LSAMP: variants seen among roughly 807,000 people sequenced by gnomAD.
LSAMP encodes limbic system-associated membrane protein.
In LSAMP, 7 loss-of-function variants were observed where a neutral mutation model predicts 38.6. The observed-to-expected ratio is 0.18, with a 90% CI of 0.10 to 0.34. The LOEUF (loss-of-function observed/expected upper bound fraction) is 0.34, where lower values mean the gene tolerates loss of function less well. Among genes scored for constraint, LSAMP ranks in the 10% least tolerant of loss-of-function variants. The pLI is 1.00. For missense variants in LSAMP, 313 were observed against 420.0 expected (o/e 0.75, Z 2.23); for synonymous variants, 154 against 166.8 (o/e 0.92, Z 0.59).
intron 1 of LSAMP, among the ~76,000 whole-genome samples, chr3:116,413,072 C>G (rs1354418038): frequency 6.6e-6 from 1 of 152,010 alleles, no homozygotes; most frequent in Non-Finnish European, 1.5e-5. Context: ...TTCCACCTAG[C>G]AATCCATTTT....
At chr3:116,091,811 TG>T (rs1708130210) in intron 1 of LSAMP, among the ~76,000 whole-genome samples, 1 of 152,148 alleles carries the variant, frequency 6.6e-6, no homozygotes, top group Non-Finnish European at 1.5e-5. Context: ...CTAATGACAA[TG>T]GGTGTTAGTG....
chr3:116,198,772 G>GAAAAAAAAA lies in LSAMP; in HGVS notation c.156-112225_156-112217dup, dbSNP rs71141858. ...GGCGACAGAGCAAGACTCCGTCTCA[G>GAAAAAAAAA]AAAAAAAAAGAAAATCAGAACTGGA... On this transcript the variant is annotated intron_variant, in intron 1 of 6. Coordinates refer to ENST00000490035, the MANE Select transcript of LSAMP (RefSeq NM_002338.5). 2.0e-4 allele frequency among the ~76,000 whole-genome samples: 21 copies of GAAAAAAAAA among 103,206 alleles called. 4 individuals are homozygous for GAAAAAAAAA. The highest frequency in any genetic ancestry group is 7.7e-4 in the South Asian group (2 of 2,588). 67.7% of individuals were successfully genotyped at this position (103,206 alleles called of 152,430 possible). A position where few individuals can be genotyped will look rare whatever the true frequency, so the allele number is the denominator to read the frequency against.
intron 1 of LSAMP, among the ~76,000 whole-genome samples, chr3:116,357,912 A>G (rs1198871557): frequency 6.7e-6 from 1 of 148,396 alleles, no homozygotes; most frequent in South Asian, 2.1e-4. Context: ...TAAAACACAG[A>G]ATTAAAAAAA....
intron 1 of LSAMP, among the ~76,000 whole-genome samples, chr3:116,370,657 G>C (rs2048418470): frequency 1.3e-5 from 2 of 152,176 alleles, no homozygotes; most frequent in African/African-American, 4.8e-5. Flanking sequence ...TCTATGCACT[G>C]ATCACTGACT....
At chr3:116,018,856 T>C (rs1940555691) in intron 3 of LSAMP, among the ~76,000 whole-genome samples, 1 of 152,126 alleles carries the variant, frequency 6.6e-6, no homozygotes, top group African/African-American at 2.4e-5. Context: ...ACTGAATTAG[T>C]ATCAATAGCT....
chr3:115,831,728 A>G (rs1032061748), intron 6 of LSAMP, among the ~76,000 whole-genome samples: 3 of 152,196 alleles, frequency 2.0e-5, no homozygotes, highest in Non-Finnish European at 4.4e-5. Context: ...AATTTATGCA[A>G]TTCAGGACTC....
intron 1 of LSAMP, among the ~76,000 whole-genome samples, chr3:116,295,443 A>G (rs2047318569): frequency 6.6e-6 from 1 of 152,170 alleles, no homozygotes; most frequent in Non-Finnish European, 1.5e-5. Context: ...TTTTTTCCTC[A>G]TCTTGAACAG....
chr3:116,082,508 A>G (rs1707892857), intron 2 of LSAMP, among the ~76,000 whole-genome samples: 2 of 152,170 alleles, frequency 1.3e-5, no homozygotes, highest in Non-Finnish European at 2.9e-5. Flanking sequence ...GTAAGCCAAA[A>G]TGTTGACTTT....
chr3:116,145,593 T>TC (rs979781821), intron 1 of LSAMP, among the ~76,000 whole-genome samples: 28 of 151,712 alleles, frequency 1.8e-4, no homozygotes, highest in African/African-American at 6.5e-4. Flanking sequence ...GTTAATCAGA[T>TC]CCCCCCCAAA....
chr3:116,411,941 T>C (rs773889987), intron 1 of LSAMP, among the ~76,000 whole-genome samples: 2 of 151,930 alleles, frequency 1.3e-5, no homozygotes, highest in Non-Finnish European at 2.9e-5. Flanking sequence ...CATTTCTCTG[T>C]CTTGTATGCT....
intron 1 of LSAMP, among the ~76,000 whole-genome samples, chr3:116,247,235 C>T (rs2046616423): frequency 6.6e-6 from 1 of 152,116 alleles, no homozygotes. Context: ...GTTAATGTCC[C>T]TACCTCTGTA....
chr3:116,185,821 C>T (rs779947177), intron 1 of LSAMP, among the ~76,000 whole-genome samples: 11 of 151,576 alleles, frequency 7.3e-5, no homozygotes, highest in Non-Finnish European at 1.6e-4. Context: ...GTTTCCTGCT[C>T]CACACCCAGT....
intron 3 of LSAMP, among the ~76,000 whole-genome samples, chr3:115,983,525 TA>T (rs979199775): frequency 3.3e-4 from 50 of 152,114 alleles, no homozygotes; most frequent in African/African-American, 8.9e-4. Flanking sequence ...TGTCTCAGAA[TA>T]AAAATAATAG....
chr3:116,262,956 G>A (rs1305280074), intron 1 of LSAMP, among the ~76,000 whole-genome samples: 1 of 152,156 alleles, frequency 6.6e-6, no homozygotes. Flanking sequence ...TGCTCAGTGA[G>A]AAGAAGGTTA....
At chr3:116,347,077 C>G (rs1364634157) in intron 1 of LSAMP, among the ~76,000 whole-genome samples, 1 of 152,118 alleles carries the variant, frequency 6.6e-6, no homozygotes, top group African/African-American at 2.4e-5. Context: ...GTAGGGCAAA[C>G]CCAGAGTGTT....
At chr3:116,207,958 A>G (rs4061036) in intron 1 of LSAMP, among the ~76,000 whole-genome samples, 1 of 134,362 alleles carries the variant, frequency 7.4e-6, no homozygotes, top group Non-Finnish European at 1.7e-5. Flanking sequence ...GCCTTGCTAG[A>G]TTGGGGAAGT....
intron 1 of LSAMP, among the ~76,000 whole-genome samples, chr3:116,443,376 G>A (rs112112379): frequency 0.012 from 1,873 of 152,188 alleles, 21 homozygotes; most frequent in Middle Eastern, 0.048. Context: ...TTTGGGATTC[G>A]TAATCACCCA....
chr3:116,092,449 C>T (rs913927066), intron 1 of LSAMP, among the ~76,000 whole-genome samples: 2 of 152,058 alleles, frequency 1.3e-5, no homozygotes, highest in African/African-American at 4.8e-5. Context: ...AGGTTGCTCA[C>T]GTTAATCATG....
At chr3:116,299,271 A>T (rs1304972112) in intron 1 of LSAMP, among the ~76,000 whole-genome samples, 2 of 152,178 alleles carry the variant, frequency 1.3e-5, no homozygotes. Flanking sequence ...AAGGTCACTG[A>T]TGTATAATCT....
Sources: gnomAD v4.1 joint callset for allele counts (sites outside exome capture counted in the v4.1 genomes callset) on GRCh38, gnomAD v4.1.1 for gene constraint, MANE v1.5 for transcripts, NCBI Gene and HGNC (gene_info 2026-07-23, HGNC 2026-07-21) for gene names.